Variants in CNR2 observed in about 807,000 individuals in gnomAD.
CNR2 encodes the protein cannabinoid receptor 2 (macrophage).
For missense variants in CNR2, 379 were observed against 439.9 expected, an observed-to-expected ratio of 0.86 and a Z score of 1.24; for synonymous variants, 172 against 182.2, an observed-to-expected ratio of 0.94 and a Z score of 0.45.
intron 1 of CNR2, among the ~76,000 whole-genome samples, chr1:23,898,335 C>CCTTTT (rs1230917304): frequency 9.2e-6 from 1 of 108,198 alleles, no homozygotes; most frequent in Non-Finnish European, 1.8e-5. Flanking sequence ...CCGCGCCCGG[C>CCTTTT]TTTTTTTTTT....
intron 1 of CNR2, among the ~76,000 whole-genome samples, chr1:23,878,207 A>T (rs1247068364): frequency 6.6e-6 from 1 of 152,082 alleles, no homozygotes; most frequent in Non-Finnish European, 1.5e-5. Context: ...TCTACAAAAA[A>T]ATACAAAAAT....
chr1:23,874,581 A>G lies in CNR2; in HGVS notation c.1037T>C (p.Ile346Thr), dbSNP rs1334308910. 5 of 1,613,862 alleles carry G rather than the reference A, an allele frequency of 3.1e-6. No individual in the cohort carries two copies. The highest frequency in any genetic ancestry group is 4.2e-6 in the Non-Finnish European group (5 of 1,179,946). ...ATCTCTGGAATCTGGCCACGGAGTG[A>G]TTTTCCCATCAGCCTCTGTCTCGGT... The part of the protein sequence containing the change: ...SVTETEADGK[I>T]TPWPDSRDLD... Residue 346 changes from isoleucine to threonine, a missense_variant, in exon 2 of 2, where the codon ATC (isoleucine) becomes ACC (threonine). Transcript: ENST00000374472.
At chr1:23,907,139 A>T (rs2148471537) in intron 1 of CNR2, 1 of 152,218 alleles carries the variant, frequency 6.6e-6, no homozygotes, top group South Asian at 2.1e-4. Context: ...ACACTCCTGT[A>T]ATCCCAGCAC....
In CNR2 at chr1:23,875,008, C is replaced by T. The variant is rs201354527; in HGVS notation, c.610G>A (p.Gly204Arg). ...ACATGCCCATAGGTGTAGATGATTCCGGAAAAGAGGAAGGCGATGAACAGG... is the reference window on the plus strand; with the variant it reads ...ACATGCCCATAGGTGTAGATGATTCTGGAAAAGAGGAAGGCGATGAACAGG... ...WLLFIAFLFS[G>R]IIYTYGHVLW... Residue 204 changes from glycine to arginine, a missense_variant, in exon 2 of 2, where the codon GGA (glycine) becomes AGA (arginine). Gly to Arg is a moderately radical substitution (Grantham distance 125). Coordinates refer to ENST00000374472, the MANE Select transcript of CNR2 (RefSeq NM_001841.3). The T allele has an allele frequency of 8.9e-5, 143 of 1,608,660 alleles. No individual in the cohort carries two copies. The highest frequency in any genetic ancestry group is 1.1e-4 in the Non-Finnish European group (134 of 1,177,588).
At chr1:23,885,856 C>A (rs1365128469) in intron 1 of CNR2, among the ~76,000 whole-genome samples, 1 of 142,724 alleles carries the variant, frequency 7.0e-6, no homozygotes, top group Non-Finnish European at 1.5e-5. Flanking sequence ...GCAGCCTGGG[C>A]GACATAGCGA....
chr1:23,910,647 G>T, intron 1 of CNR2, among the ~76,000 whole-genome samples: 1 of 46,992 alleles, frequency 2.1e-5, no homozygotes, highest in African/African-American at 9.1e-5. Flanking sequence ...AGAGCAAAAC[G>T]CTGTCTCAAA....
intron 1 of CNR2, among the ~76,000 whole-genome samples, chr1:23,909,393 T>G (rs1338026777): frequency 6.6e-6 from 1 of 152,186 alleles, no homozygotes; most frequent in African/African-American, 2.4e-5. Flanking sequence ...GCAGCATAGC[T>G]GGGGACCGAG....
At chr1:23,895,645 T>C (rs1231746351) in intron 1 of CNR2, among the ~76,000 whole-genome samples, 1 of 151,946 alleles carries the variant, frequency 6.6e-6, no homozygotes, top group African/African-American at 2.4e-5. Context: ...TAGCTGGGAG[T>C]ACAGGTGCGC....
intron 1 of CNR2, among the ~76,000 whole-genome samples, chr1:23,886,888 GTTTTTTTGT>G (rs1038076657): frequency 9.9e-5 from 7 of 70,760 alleles, no homozygotes; most frequent in Admixed American, 4.8e-4. Flanking sequence ...ACCCTTTGCG[GTTTTTTTGT>G]TTTTTTTGTT....
chr1:23,890,582 C>T (rs541365277), intron 1 of CNR2, among the ~76,000 whole-genome samples: 20 of 152,034 alleles, frequency 1.3e-4, no homozygotes, highest in African/African-American at 4.6e-4. Context: ...CCCATCTCTA[C>T]TAAAAATACA....
chr1:23,910,883 A>T (rs917209198), intron 1 of CNR2, among the ~76,000 whole-genome samples: 3 of 151,912 alleles, frequency 2.0e-5, no homozygotes, highest in African/African-American at 7.3e-5. Context: ...GATTGATAGC[A>T]CAAGCTCTGA....
At chr1:23,892,185 C>G (rs1474479277) in intron 1 of CNR2, among the ~76,000 whole-genome samples, 1 of 152,158 alleles carries the variant, frequency 6.6e-6, no homozygotes. Context: ...GGTGCCTGCC[C>G]AGGCTCTTGA....
chr1:23,898,334 G>T (rs1485983519), intron 1 of CNR2, among the ~76,000 whole-genome samples: 1 of 4,760 alleles, frequency 2.1e-4, no homozygotes, highest in Middle Eastern at 0.05. Context: ...ACCGCGCCCG[G>T]CTTTTTTTTT....
chr1:23,885,899 C>A (rs183263211), intron 1 of CNR2, among the ~76,000 whole-genome samples: 2 of 67,724 alleles, frequency 3.0e-5, no homozygotes, highest in Non-Finnish European at 6.2e-5. Context: ...AGGGTGGCGG[C>A]GGGGGGGTGG....
chr1:23,911,395 G>C (rs1640581561), intron 1 of CNR2, among the ~76,000 whole-genome samples: 1 of 152,110 alleles, frequency 6.6e-6, no homozygotes, highest in Admixed American at 6.5e-5. Context: ...AGTGGGCAAG[G>C]CTGGACTTCA....
chr1:23,882,371 G>A (rs974339337), intron 1 of CNR2, among the ~76,000 whole-genome samples: 3 of 152,118 alleles, frequency 2.0e-5, no homozygotes, highest in Non-Finnish European at 2.9e-5. Flanking sequence ...AAGAAAAAAA[G>A]ACACACTTTT....
At chr1:23,880,185 C>CTCTTTTTTT (rs1553140134) in intron 1 of CNR2, among the ~76,000 whole-genome samples, 2 of 128,752 alleles carry the variant, frequency 1.6e-5, no homozygotes, top group African/African-American at 5.8e-5. Flanking sequence ...ACTTCCAACT[C>CTCTTTTTTT]TTTTTTTTTT....
At chr1:23,890,729 G>A (rs547727977) in intron 1 of CNR2, among the ~76,000 whole-genome samples, 2 of 134,184 alleles carry the variant, frequency 1.5e-5, no homozygotes, top group African/African-American at 5.6e-5. Flanking sequence ...TGGGCAACAA[G>A]AGTGAGACTC....
At chr1:23,902,541 A>G (rs1276531856) in intron 1 of CNR2, 31 of 1,608,774 alleles carry the variant, frequency 1.9e-5, no homozygotes, top group Non-Finnish European at 2.5e-5. Context: ...TGCGGGCTCC[A>G]CGTCTGGAAT....
Sources: allele counts gnomAD v4.1 joint callset (sites outside exome capture counted in the v4.1 genomes callset), GRCh38; gene constraint gnomAD v4.1.1; transcripts MANE v1.5; gene names NCBI Gene and HGNC (gene_info 2026-07-23, HGNC 2026-07-21).